The following POU2F1 variants were observed in gnomAD, a reference collection of about 807,000 sequenced individuals.
POU2F1 encodes the protein POU domain, class 2, transcription factor 1.
A neutral mutation model predicts 84.9 loss-of-function variants in POU2F1; 16 were observed. The ratio of observed to expected loss-of-function variants is 0.19; its 90% CI spans 0.13 to 0.29. The LOEUF is 0.29. POU2F1 is among the 10% of genes least tolerant of loss of function. The pLI is 1.00. For synonymous variants in POU2F1, 368 were observed against 368.3 expected (o/e 1.00, Z 0.01); for missense variants, 738 against 942.6 (o/e 0.78, Z 2.84).
chr1:167,319,527 G>C (rs979622483), intron 1 of POU2F1, among the ~76,000 whole-genome samples: 1 of 151,886 alleles, frequency 6.6e-6, no homozygotes, highest in Non-Finnish European at 1.5e-5. Flanking sequence ...ACTATGGCTT[G>C]TCCTTGAGAA....
chr1:167,399,332 T>G lies in POU2F1; in HGVS notation c.1416T>G (p.Pro472=), dbSNP rs997669017. The G allele has an allele frequency of 1.8e-5, 29 of 1,613,500 alleles. No individual in the cohort carries two copies. The highest frequency in any genetic ancestry group is 2.4e-5 in the Non-Finnish European group (28 of 1,179,708). The change falls in exon 12 of 16, where the codon CCT becomes CCG. Residue 472 remains proline, a synonymous_variant. Coordinates refer to ENST00000367866, the MANE Select transcript of POU2F1 (RefSeq NM_002697.4). ...PPSSGGTSSS[P]IKAIFPSPTS... ...GCAGTGGTGGGACCAGCAGCTCACC[T>G]ATTAAAGCAATTTTCCCCAGCCCAA... is the stretch of plus-strand genomic sequence containing the variant.
chr1:167,398,810 A>T (rs1648991277), intron 11 of POU2F1, among the ~76,000 whole-genome samples: 1 of 230 alleles, frequency 4.3e-3, no homozygotes, highest in South Asian at 0.25. Flanking sequence ...TTTAAGCTAA[A>T]GGTCCTTCAT....
chr1:167,310,391 A>G (rs948295286), intron 1 of POU2F1, among the ~76,000 whole-genome samples: 1 of 152,150 alleles, frequency 6.6e-6, no homozygotes, highest in African/African-American at 2.4e-5. Flanking sequence ...TTAAAAAATG[A>G]AATGAAAATC....
chr1:167,363,194 G>A (rs1371878287), intron 2 of POU2F1, among the ~76,000 whole-genome samples: 1 of 152,098 alleles, frequency 6.6e-6, no homozygotes, highest in East Asian at 1.9e-4. Context: ...ACTTGAAAGT[G>A]GAACCAGTAT....
At chr1:167,261,170 G>C (rs1192645827) in intron 1 of POU2F1, among the ~76,000 whole-genome samples, 2 of 152,144 alleles carry the variant, frequency 1.3e-5, no homozygotes, top group African/African-American at 4.8e-5. Flanking sequence ...GATGTTTAAA[G>C]AGGTAATTGT....
intron 1 of POU2F1, among the ~76,000 whole-genome samples, chr1:167,229,399 A>AAAT (rs971452801): frequency 5.3e-5 from 8 of 152,120 alleles, no homozygotes; most frequent in Non-Finnish European, 7.4e-5. Context: ...ATTGGGTTGT[A>AAAT]GATTCCTTGT....
intron 2 of POU2F1, among the ~76,000 whole-genome samples, chr1:167,352,127 G>A (rs1658624021): frequency 6.6e-6 from 1 of 152,162 alleles, no homozygotes; most frequent in Admixed American, 6.5e-5. Flanking sequence ...AATTAAAGCT[G>A]TTATCACAAC....
At position 167,420,607 on chromosome 1, in the gene POU2F1, A is replaced by G. The variant is rs891936083; in HGVS notation, c.*4797A>G. On this transcript the variant is annotated 3_prime_UTR_variant, in exon 16 of 16. Coordinates refer to ENST00000367866, the MANE Select transcript of POU2F1 (RefSeq NM_002697.4). ...TCACGAAACATTCTTGACCAAGAAA[A>G]AAGATAAGGTCATTGAGATAGGAAG... is the stretch of plus-strand genomic sequence containing the variant. 6.6e-6 allele frequency: 1 copy of G among 152,260 alleles called. No individual in the cohort carries two copies. The highest frequency in any genetic ancestry group is 1.5e-5 in the Non-Finnish European group (1 of 68,044). 9.4% of individuals were successfully genotyped at this position (152,260 alleles called of 1,614,324 possible). A position where few individuals can be genotyped will look rare whatever the true frequency, so the allele number is the denominator to read the frequency against.
intron 1 of POU2F1, among the ~76,000 whole-genome samples, chr1:167,221,560 G>A (rs1648185072): frequency 6.7e-6 from 1 of 149,844 alleles, no homozygotes; most frequent in Non-Finnish European, 1.5e-5. Context: ...GGCCCGGGCG[G>A]GGGGGCGCTG....
chr1:167,335,459 G>A (rs1413784903), intron 2 of POU2F1, among the ~76,000 whole-genome samples: 1 of 152,130 alleles, frequency 6.6e-6, no homozygotes, highest in Non-Finnish European at 1.5e-5. Context: ...AGGGGTGAAG[G>A]TCTAGGATCA....
rs763396270 is a variant in POU2F1 at position 167,399,194 on chromosome 1, G to A, written c.1278G>A (p.Lys426=). 1 of 1,602,012 alleles carries A rather than the reference G, an allele frequency of 6.2e-7. No individual in the cohort carries two copies. The highest frequency in any genetic ancestry group is 8.5e-7 in the Non-Finnish European group (1 of 1,173,546). ...ATCTTTTCACCCTGCAGAATCAAAA[G>A]CCTACCTCGGAAGAGATCACTATGA... The part of the protein sequence containing the change: ...ALEKSFLENQ[K]PTSEEITMIA... The change falls in exon 12 of 16, where the codon AAG becomes AAA. Residue 426 remains lysine, a synonymous_variant. Transcript: ENST00000367866.
chr1:167,231,752 A>C (rs1649076075), intron 1 of POU2F1, among the ~76,000 whole-genome samples: 2 of 152,318 alleles, frequency 1.3e-5, no homozygotes, highest in South Asian at 4.1e-4. Flanking sequence ...GTACCCCAGG[A>C]GCATAAGGTG....
intron 7 of POU2F1, among the ~76,000 whole-genome samples, chr1:167,381,802 G>A (rs1647580993): frequency 6.6e-6 from 1 of 151,344 alleles, no homozygotes; most frequent in South Asian, 2.1e-4. Context: ...TAGAGATGGG[G>A]TTTCACCATG....
At chr1:167,383,205 A>G (rs1647695959) in intron 7 of POU2F1, among the ~76,000 whole-genome samples, 1 of 152,200 alleles carries the variant, frequency 6.6e-6, no homozygotes, top group Non-Finnish European at 1.5e-5. Flanking sequence ...TTAAATACAG[A>G]CATTCTGGGT....
chr1:167,338,449 G>A (rs1657622401), intron 2 of POU2F1, among the ~76,000 whole-genome samples: 1 of 152,134 alleles, frequency 6.6e-6, no homozygotes, highest in Admixed American at 6.5e-5. Context: ...AACTGTTTGT[G>A]GGGTCGACAC....
intron 9 of POU2F1, 118 bp from the exon 10 acceptor site, chr1:167,396,168 A>G (rs1648794555): frequency 8.2e-7 from 1 of 1,212,680 alleles, no homozygotes; most frequent in Non-Finnish European, 1.2e-6. Context: ...AAGTGGAATA[A>G]TTACTGACTC....
chr1:167,305,138 A>G (rs1654975400), intron 1 of POU2F1, among the ~76,000 whole-genome samples: 1 of 152,008 alleles, frequency 6.6e-6, no homozygotes, highest in South Asian at 2.1e-4. Flanking sequence ...TCATTAAATT[A>G]CTACCACCAC....
intron 1 of POU2F1, among the ~76,000 whole-genome samples, chr1:167,297,085 C>CAT (rs1654335099): frequency 6.6e-6 from 1 of 152,086 alleles, no homozygotes; most frequent in South Asian, 2.1e-4. Context: ...GCACTAATAA[C>CAT]CAGACCCAAT....
intron 11 of POU2F1, 21 bp downstream of exon 11, chr1:167,398,154 T>C: frequency 6.2e-7 from 1 of 1,612,202 alleles, no homozygotes; most frequent in South Asian, 1.1e-5. Context: ...ATTTTACTTT[T>C]CTGTACATGG....
Sources: gnomAD v4.1 joint callset for allele counts (sites outside exome capture counted in the v4.1 genomes callset) on GRCh38, gnomAD v4.1.1 for gene constraint, MANE v1.5 for transcripts, NCBI Gene and HGNC (gene_info 2026-07-23, HGNC 2026-07-21) for gene names.